THSD7A: variants seen among roughly 807,000 people sequenced by gnomAD.
THSD7A encodes thrombospondin type 1 domain containing 7A.
Under a neutral mutation model 231.3 loss-of-function variants are expected in THSD7A, and 96 were observed. The ratio of observed to expected loss-of-function variants is 0.41; its 90% CI spans 0.35 to 0.49. The LOEUF is 0.49. Among genes scored for constraint, THSD7A ranks in the 20% least tolerant of loss-of-function variants. THSD7A has a pLI of 0.05. For missense variants in THSD7A, 2,290 were observed against 2,070.2 expected, an observed-to-expected ratio of 1.11 and a Z score of -2.06; for synonymous variants, 940 against 743.3, an observed-to-expected ratio of 1.26 and a Z score of -4.30.
chr7:11,403,456 T>C (rs572313058), intron 22 of THSD7A, among the ~76,000 whole-genome samples: 7 of 152,310 alleles, frequency 4.6e-5, no homozygotes, highest in Admixed American at 1.3e-4. Context: ...AATTTCTAAA[T>C]AGTCTGAGAA....
At chr7:11,788,032 C>G (rs965345410) in intron 1 of THSD7A, among the ~76,000 whole-genome samples, 4 of 152,028 alleles carry the variant, frequency 2.6e-5, no homozygotes, top group African/African-American at 9.7e-5. Context: ...ACCCAACTCA[C>G]CATCTTGGCT....
intron 2 of THSD7A, among the ~76,000 whole-genome samples, chr7:11,633,412 T>C (rs1393790298): frequency 6.6e-6 from 1 of 152,284 alleles, no homozygotes; most frequent in South Asian, 2.1e-4. Flanking sequence ...CATAGTGGGC[T>C]TCCTGCCTAT....
At chr7:11,443,672 G>A (rs553130071) in intron 13 of THSD7A, among the ~76,000 whole-genome samples, 1 of 151,898 alleles carries the variant, frequency 6.6e-6, no homozygotes, top group South Asian at 2.1e-4. Flanking sequence ...AGGATCTGGA[G>A]ATTGATTGCC....
chr7:11,821,249 G>A (rs183890742), intron 1 of THSD7A: 164 of 1,146,764 alleles, frequency 1.4e-4, no homozygotes, highest in Non-Finnish European at 2.0e-4. Context: ...GAGGGTCTAC[G>A]CTGAGACTGA....
chr7:11,577,602 C>T (rs61), intron 4 of THSD7A, among the ~76,000 whole-genome samples: 1 of 150,610 alleles, frequency 6.6e-6, no homozygotes, highest in African/African-American at 2.4e-5. Flanking sequence ...CAGGTGTGAG[C>T]CACCATGGCT....
At chr7:11,785,293 T>C (rs1036843668) in intron 1 of THSD7A, among the ~76,000 whole-genome samples, 1 of 152,048 alleles carries the variant, frequency 6.6e-6, no homozygotes, top group Non-Finnish European at 1.5e-5. Flanking sequence ...CTATTATTCA[T>C]AGGCGCATTC....
intron 6 of THSD7A, among the ~76,000 whole-genome samples, chr7:11,538,378 A>C (rs1322700094): frequency 5.3e-5 from 8 of 152,138 alleles, no homozygotes; most frequent in Admixed American, 5.2e-4. Context: ...GGAAATATGG[A>C]AACAATATTT....
rs66964252 is a variant in THSD7A, at chr7:11,706,630, C to CTTTTTT, written c.191-69675_191-69670dup. Among the ~76,000 whole-genome samples, 130 of 66,376 alleles carry CTTTTTT rather than the reference C, an allele frequency of 2.0e-3. 2 individuals carry two copies. The highest frequency in any genetic ancestry group is 2.5e-3 in the Non-Finnish European group (92 of 36,876). 43.5% of individuals were successfully genotyped at this position (66,376 alleles called of 152,430 possible). On this transcript the variant is annotated intron_variant, in intron 1 of 27. Coordinates refer to ENST00000423059, the MANE Select transcript of THSD7A (RefSeq NM_015204.3). ...ATTGACTAAAAATTTTAACAAGGTG[C>CTTTTTT]TTTTTTTTTTTTTTTTTTTTTTTTT...
intron 1 of THSD7A, among the ~76,000 whole-genome samples, chr7:11,705,685 G>T (rs964580766): frequency 2.6e-5 from 4 of 150,952 alleles, no homozygotes; most frequent in Non-Finnish European, 5.9e-5. Flanking sequence ...CACCTAACTT[G>T]GTTTAGTGGG....
intron 1 of THSD7A, among the ~76,000 whole-genome samples, chr7:11,767,874 G>C (rs976593641): frequency 6.6e-6 from 1 of 152,088 alleles, no homozygotes; most frequent in Non-Finnish European, 1.5e-5. Flanking sequence ...GTATCAGTCA[G>C]GGAGAACATT....
chr7:11,450,599 G>C (rs1785112182), intron 11 of THSD7A, among the ~76,000 whole-genome samples: 1 of 151,972 alleles, frequency 6.6e-6, no homozygotes, highest in Admixed American at 6.6e-5. Flanking sequence ...GTTTGGAAAG[G>C]AAACCATCTG....
At chr7:11,483,496 T>A (rs1343392847) in intron 6 of THSD7A, among the ~76,000 whole-genome samples, 1 of 152,218 alleles carries the variant, frequency 6.6e-6, no homozygotes, top group East Asian at 1.9e-4. Flanking sequence ...CTCTCAAATT[T>A]TGTTTTTATT....
chr7:11,455,331 T>C (rs1785273104), intron 11 of THSD7A, among the ~76,000 whole-genome samples: 1 of 152,086 alleles, frequency 6.6e-6, no homozygotes, highest in African/African-American at 2.4e-5. Context: ...GATAAAACTA[T>C]CAACACAACA....
intron 1 of THSD7A, among the ~76,000 whole-genome samples, chr7:11,646,952 C>T (rs1415056436): frequency 2.0e-5 from 3 of 151,884 alleles, no homozygotes; most frequent in Non-Finnish European, 2.9e-5. Flanking sequence ...TAAAATTGTC[C>T]ACTGCTATAG....
At chr7:11,557,271 G>C (rs1034167417) in intron 4 of THSD7A, among the ~76,000 whole-genome samples, 17 of 151,990 alleles carry the variant, frequency 1.1e-4, no homozygotes, top group African/African-American at 4.1e-4. Context: ...CGTATACAGA[G>C]TTTTTATATC....
At chr7:11,825,461 G>T (rs1335974690) in intron 1 of THSD7A, among the ~76,000 whole-genome samples, 4 of 152,020 alleles carry the variant, frequency 2.6e-5, no homozygotes, top group Non-Finnish European at 5.9e-5. Context: ...GTATCAATTC[G>T]TATTTTCTAG....
At chr7:11,464,078 C>G (rs544457042) in intron 9 of THSD7A, among the ~76,000 whole-genome samples, 15 of 152,196 alleles carry the variant, frequency 9.9e-5, no homozygotes, top group African/African-American at 3.4e-4. Flanking sequence ...CCTTCTACCC[C>G]CTTCCTATTC....
chr7:11,546,787 A>G (rs565140952), intron 4 of THSD7A, among the ~76,000 whole-genome samples: 4 of 152,346 alleles, frequency 2.6e-5, no homozygotes, highest in African/African-American at 9.6e-5. Context: ...GAGATTCAGG[A>G]GAAAGTTGAA....
At chr7:11,375,955 G>C in intron 27 of THSD7A, 77 bp from the exon 28 acceptor site, 1 of 1,383,308 alleles carries the variant, frequency 7.2e-7, no homozygotes, top group Non-Finnish European at 1.0e-6. Flanking sequence ...CGAAAAAAAA[G>C]TAAAAGCAAA....
Sources: allele counts gnomAD v4.1 joint callset (sites outside exome capture counted in the v4.1 genomes callset), GRCh38; gene constraint gnomAD v4.1.1; transcripts MANE v1.5; gene names NCBI Gene and HGNC (gene_info 2026-07-23, HGNC 2026-07-21).